CTNNA3: variants seen among roughly 807,000 people sequenced by gnomAD.
The protein encoded by CTNNA3 is catenin alpha 3.
CTNNA3 carries 76 observed loss-of-function variants against 95.7 expected under a neutral mutation model. The observed-to-expected ratio is 0.79, with a 90% CI of 0.66 to 0.96. The LOEUF (loss-of-function observed/expected upper bound fraction) is 0.96, where lower values mean the gene tolerates loss of function less well. Among genes scored for constraint, CTNNA3 ranks in the 40% least tolerant of loss-of-function variants. CTNNA3 has a pLI of 0.00. For missense variants in CTNNA3, 1,191 were observed against 1,089.8 expected, an observed-to-expected ratio of 1.09 and a Z score of -1.31; for synonymous variants, 431 against 374.4, an observed-to-expected ratio of 1.15 and a Z score of -1.74.
chr10:67,745,319 C>T (rs530915451), intron 1 of CTNNA3, among the ~76,000 whole-genome samples: 2 of 151,972 alleles, frequency 1.3e-5, no homozygotes, highest in Non-Finnish European at 2.9e-5. Context: ...CCATGGAATA[C>T]CATGCAGCCA....
intron 1 of CTNNA3, among the ~76,000 whole-genome samples, chr10:67,667,635 C>T (rs2133542986): frequency 6.6e-6 from 1 of 152,178 alleles, no homozygotes; most frequent in East Asian, 1.9e-4. Context: ...AAGGGGAATT[C>T]TATTTCTAAT....
chr10:67,130,411 G>T (rs548330215), intron 7 of CTNNA3, among the ~76,000 whole-genome samples: 1 of 152,108 alleles, frequency 6.6e-6, no homozygotes, highest in South Asian at 2.1e-4. Flanking sequence ...TCAAAAGGTT[G>T]CTGACCCTAA....
chr10:67,634,854 T>C lies in CTNNA3; in HGVS notation c.99+12561A>G, dbSNP rs150983315. Among the ~76,000 whole-genome samples the C allele has an allele frequency of 4.1e-3, 628 of 152,114 alleles. 7 individuals are homozygous for C. Among genetic ancestry groups the C allele is most frequent in the African/African-American group, 0.015 (603 of 41,530 alleles). ...GTCCTTAGAAACCTATAAAGATACT[T>C]AGATTGGGAAATTTAAATACCCCAC... On this transcript the variant is annotated intron_variant, in intron 2 of 17. Transcript: ENST00000433211.
chr10:66,840,952 G>A (rs1248557463), intron 7 of CTNNA3, among the ~76,000 whole-genome samples: 1 of 152,020 alleles, frequency 6.6e-6, no homozygotes, highest in African/African-American at 2.4e-5. Context: ...TGAAAGGAAG[G>A]TTTCTTTCTA....
intron 7 of CTNNA3, among the ~76,000 whole-genome samples, chr10:66,805,371 T>C (rs547324995): frequency 6.6e-6 from 1 of 151,468 alleles, no homozygotes; most frequent in Admixed American, 6.6e-5. Flanking sequence ...GTTTTATTCT[T>C]TAAAAAAAAA....
At chr10:65,998,574 T>A (rs2078711674) in intron 15 of CTNNA3, among the ~76,000 whole-genome samples, 1 of 152,130 alleles carries the variant, frequency 6.6e-6, no homozygotes, top group Admixed American at 6.5e-5. Context: ...AGCAATTGTT[T>A]TGATGCTTCA....
chr10:67,452,592 A>G lies in CTNNA3; in HGVS notation c.579+69250T>C, dbSNP rs80091220. Among the ~76,000 whole-genome samples, 4,035 of 152,302 alleles carry G rather than the reference A, an allele frequency of 0.026. 392 individuals carry two copies. In the East Asian group the frequency reaches 0.34, roughly 13 times the overall value. ...TTGCATTGTAAGTATATTTTAATAC[A>G]TTTGCTATGAAGTGACTGAAGCCTC... is the stretch of plus-strand genomic sequence containing the variant. On this transcript the variant is annotated intron_variant, in intron 5 of 17. Coordinates refer to ENST00000433211, the MANE Select transcript of CTNNA3 (RefSeq NM_013266.4).
chr10:66,213,108 T>C (rs2088277472), intron 13 of CTNNA3, among the ~76,000 whole-genome samples: 1 of 152,238 alleles, frequency 6.6e-6, no homozygotes, highest in Non-Finnish European at 1.5e-5. Flanking sequence ...ACAATATCAT[T>C]TACTATATTC....
chr10:66,119,554 TC>T (rs1186154581), intron 13 of CTNNA3, among the ~76,000 whole-genome samples: 2 of 152,186 alleles, frequency 1.3e-5, no homozygotes, highest in African/African-American at 2.4e-5. Context: ...TTTTGATCCC[TC>T]CTAGGGGATT....
chr10:67,656,236 G>C (rs1273203042), intron 1 of CTNNA3, among the ~76,000 whole-genome samples: 1 of 152,146 alleles, frequency 6.6e-6, no homozygotes, highest in African/African-American at 2.4e-5. Flanking sequence ...ATAAAATCAA[G>C]AAACTGCCTG....
At chr10:67,201,945 T>G (rs1465438261) in intron 6 of CTNNA3, among the ~76,000 whole-genome samples, 2 of 152,192 alleles carry the variant, frequency 1.3e-5, no homozygotes, top group Non-Finnish European at 2.9e-5. Context: ...GACACACCCA[T>G]GAAGAGAGCC....
At chr10:66,611,124 A>G (rs1245541057) in intron 10 of CTNNA3, among the ~76,000 whole-genome samples, 1 of 152,156 alleles carries the variant, frequency 6.6e-6, no homozygotes, top group African/African-American at 2.4e-5. Context: ...GGCGGTTACC[A>G]GAGGCCGGAA....
intron 10 of CTNNA3, among the ~76,000 whole-genome samples, chr10:66,540,585 C>T (rs1841814589): frequency 1.3e-5 from 2 of 152,046 alleles, no homozygotes. Flanking sequence ...CTGCCATAAA[C>T]GTGAGCATAA....
rs10582679 is a variant in CTNNA3 at position 67,051,758 on chromosome 10, A to AT, written c.1047+128558dup. On this transcript the variant is annotated intron_variant, in intron 7 of 17. Coordinates refer to ENST00000433211, the MANE Select transcript of CTNNA3 (RefSeq NM_013266.4). Reference sequence around the variant, plus strand: ...TATACACATTGTAGTCTATCCTACAATTTTTTTTTTTTTTGAGATGGAGTC... The same window carrying AT: ...TATACACATTGTAGTCTATCCTACAATTTTTTTTTTTTTTTGAGATGGAGTC... Among the ~76,000 whole-genome samples the AT allele has an allele frequency of 4.3e-4, 63 of 145,122 alleles. 1 individual carries two copies. The South Asian group carries it at 9.5e-3, about 22-fold the overall frequency.
At chr10:67,259,552 A>T (rs1185425338) in intron 5 of CTNNA3, among the ~76,000 whole-genome samples, 3 of 152,222 alleles carry the variant, frequency 2.0e-5, no homozygotes, top group Non-Finnish European at 4.4e-5. Context: ...AATACTTATC[A>T]CAAGGAGAGT....
At chr10:67,695,063 T>C (rs1312828531) in intron 1 of CTNNA3, among the ~76,000 whole-genome samples, 1 of 152,210 alleles carries the variant, frequency 6.6e-6, no homozygotes, top group African/African-American at 2.4e-5. Context: ...AATCTGACCA[T>C]GGATAATCTG....
chr10:66,461,377 A>T (rs188504640), intron 11 of CTNNA3, among the ~76,000 whole-genome samples: 6 of 152,312 alleles, frequency 3.9e-5, no homozygotes, highest in Admixed American at 3.9e-4. Context: ...ATATTATTTT[A>T]AAACAGTTCA....
intron 1 of CTNNA3, among the ~76,000 whole-genome samples, chr10:67,657,500 T>C (rs1840057931): frequency 6.6e-6 from 1 of 151,960 alleles, no homozygotes. Flanking sequence ...GACTGTAGAA[T>C]TGAGATTTGC....
At chr10:67,004,684 ACTG>A (rs1209803248) in intron 7 of CTNNA3, among the ~76,000 whole-genome samples, 1 of 152,178 alleles carries the variant, frequency 6.6e-6, no homozygotes, top group African/African-American at 2.4e-5. Context: ...TCTAACAAAT[ACTG>A]CTTTCAAAAG....
Sources: gnomAD v4.1 joint callset for allele counts (sites outside exome capture counted in the v4.1 genomes callset) on GRCh38, gnomAD v4.1.1 for gene constraint, MANE v1.5 for transcripts, NCBI Gene and HGNC (gene_info 2026-07-23, HGNC 2026-07-21) for gene names.